The following SEMA3A variants were observed in gnomAD, a reference collection of about 807,000 sequenced individuals.
The protein encoded by SEMA3A is semaphorin 3A, also known as semaphorin-3A.
In SEMA3A, 29 loss-of-function variants were observed where a neutral mutation model predicts 97.9. The observed-to-expected ratio is 0.30, with a 90% CI of 0.22 to 0.40. SEMA3A has a LOEUF of 0.40. Among genes scored for constraint, SEMA3A ranks in the 10% least tolerant of loss-of-function variants. The probability of loss-of-function intolerance (pLI) is 1.00; values close to 1 mark genes in which losing one functional copy is unlikely to be tolerated. For synonymous variants in SEMA3A, 321 were observed against 323.7 expected, an observed-to-expected ratio of 0.99 and a Z score of 0.09; for missense variants, 763 against 951.3, an observed-to-expected ratio of 0.80 and a Z score of 2.60.
At chr7:84,477,094 T>A (rs574456773) in intron 1 of SEMA3A, among the ~76,000 whole-genome samples, 4 of 142,992 alleles carry the variant, frequency 2.8e-5, no homozygotes, top group Non-Finnish European at 4.6e-5. Flanking sequence ...ATATATATAT[T>A]TTTCAAAAAA....
chr7:84,361,937 T>G (rs1243442794), intron 2 of SEMA3A, among the ~76,000 whole-genome samples: 1 of 151,976 alleles, frequency 6.6e-6, no homozygotes, highest in Non-Finnish European at 1.5e-5. Flanking sequence ...CTATGATAGT[T>G]TTTTGAATTC....
chr7:84,121,524 C>G (rs1312763012), intron 3 of SEMA3A, among the ~76,000 whole-genome samples: 1 of 150,892 alleles, frequency 6.6e-6, no homozygotes. Flanking sequence ...ATCCATGTCC[C>G]TACAAAGGAC....
chr7:84,180,997 A>T (rs527999352), intron 1 of SEMA3A, among the ~76,000 whole-genome samples: 1 of 152,222 alleles, frequency 6.6e-6, no homozygotes, highest in South Asian at 2.1e-4. Context: ...AGTTTTTATT[A>T]AAAAATTGGG....
chr7:84,109,743 C>T (rs887782243), intron 4 of SEMA3A, among the ~76,000 whole-genome samples: 3 of 152,166 alleles, frequency 2.0e-5, no homozygotes, highest in Non-Finnish European at 2.9e-5. Flanking sequence ...TTTCTCACCA[C>T]GTGAACACTT....
At chr7:84,225,889 G>A (rs961630593) in intron 3 of SEMA3A, among the ~76,000 whole-genome samples, 1 of 151,992 alleles carries the variant, frequency 6.6e-6, no homozygotes, top group Non-Finnish European at 1.5e-5. Context: ...AAGATTAATG[G>A]GCTAATTTCA....
At chr7:83,995,397 T>A (rs938110270) in intron 12 of SEMA3A, among the ~76,000 whole-genome samples, 1 of 152,138 alleles carries the variant, frequency 6.6e-6, no homozygotes, top group Non-Finnish European at 1.5e-5. Flanking sequence ...CCCTAGTACA[T>A]AACAGGCTCC....
chr7:84,429,516 TTATA>T lies in SEMA3A; in HGVS notation c.-245-57620_-245-57617del, dbSNP rs10523978. Among the ~76,000 whole-genome samples, 1,080 of 72,376 alleles carry T rather than the reference TTATA, an allele frequency of 0.015. 98 individuals are homozygous for T. The East Asian group carries it at 0.19, about 13-fold the overall frequency. The allele number at this position is 72,376 out of a possible 152,430, so 47.5% of individuals were successfully genotyped here. A position where few individuals can be genotyped will look rare whatever the true frequency, so the allele number is the denominator to read the frequency against. On this transcript the variant is annotated intron_variant, in intron 1 of 3. Transcript: ENST00000424555. ...TTGCATTAGTAAAATATAGAGTTTGTTATATATATATATATATATATATATATAT... is the reference window on the plus strand; with the variant it reads ...TTGCATTAGTAAAATATAGAGTTTGTTATATATATATATATATATATATAT...
intron 3 of SEMA3A, among the ~76,000 whole-genome samples, chr7:84,220,921 C>A (rs1010857003): frequency 6.6e-6 from 1 of 152,108 alleles, no homozygotes; most frequent in Admixed American, 6.6e-5. Flanking sequence ...TAGCTTCTAA[C>A]AAGAGAGTTG....
intron 3 of SEMA3A, among the ~76,000 whole-genome samples, chr7:84,234,628 G>A (rs1040101620): frequency 6.6e-6 from 1 of 151,932 alleles, no homozygotes; most frequent in African/African-American, 2.4e-5. Flanking sequence ...CAACTCCAAA[G>A]ACCTCGATTT....
At chr7:83,968,784 T>G (rs1248530302) in intron 15 of SEMA3A, among the ~76,000 whole-genome samples, 1 of 150,992 alleles carries the variant, frequency 6.6e-6, no homozygotes, top group African/African-American at 2.4e-5. Flanking sequence ...TTTTTTTCTT[T>G]GTTTCTTTTC....
In SEMA3A at chr7:84,396,461, G is replaced by A. The variant is rs371789379; in HGVS notation, c.-245-24561C>T. On this transcript the variant is annotated intron_variant, in intron 1 of 3. Transcript: ENST00000424555. The stretch of plus-strand genomic sequence containing the variant: ...CAAGAAAAGATAGATCTTTTGTAAT[G>A]AAATGACAATAGGCTGGTATCTCAG... 6.6e-5 allele frequency among the ~76,000 whole-genome samples: 10 copies of A among 152,038 alleles called. No homozygotes were observed. The East Asian group carries it at 1.9e-3, about 29-fold the overall frequency.
chr7:84,441,115 A>G (rs1191864581), intron 1 of SEMA3A, among the ~76,000 whole-genome samples: 2 of 152,004 alleles, frequency 1.3e-5, no homozygotes, highest in African/African-American at 4.8e-5. Flanking sequence ...CCGAGATTGC[A>G]CTATTGCACT....
rs564238053 is a variant in SEMA3A, at chr7:83,969,126, ATTG to A, written c.1718-5782_1718-5780del. Among the ~76,000 whole-genome samples, 34 of 152,174 alleles carry A rather than the reference ATTG, an allele frequency of 2.2e-4. 1 individual carries two copies. In the East Asian group the frequency reaches 6.6e-3, roughly 29 times the overall value. ...GCACCAGTCTTTTATAACCCTTTCT[ATTG>A]TTGTTCTTAAAATATACTTGTACAA... On this transcript the variant is annotated intron_variant, in intron 15 of 16. Transcript: ENST00000265362.
At chr7:84,205,662 G>A (rs1798474996) in intron 3 of SEMA3A, among the ~76,000 whole-genome samples, 1 of 152,080 alleles carries the variant, frequency 6.6e-6, no homozygotes, top group South Asian at 2.1e-4. Context: ...CAATTCCTAT[G>A]CATAAGTGTC....
intron 1 of SEMA3A, among the ~76,000 whole-genome samples, chr7:84,162,961 G>T (rs148856566): frequency 2.8e-4 from 43 of 152,260 alleles, no homozygotes; most frequent in African/African-American, 9.9e-4. Context: ...TGGAGGTTAG[G>T]ATCTTGCATT....
rs114355092 is a variant in SEMA3A at position 84,224,016 on chromosome 7, T to C, written c.-82-29348A>G. 7.4e-3 allele frequency among the ~76,000 whole-genome samples: 1,118 copies of C among 152,004 alleles called. 13 individuals are homozygous for C. Among genetic ancestry groups the C allele is most frequent in the African/African-American group, 0.026 (1,074 of 41,534 alleles). On this transcript the variant is annotated intron_variant, in intron 3 of 3. Transcript: ENST00000424555. Reference sequence around the variant, plus strand: ...AAAAAGCTTCTATAGAAATGTATATTTAAAAAGGGGTTAATAGGATAATTT... The same window carrying C: ...AAAAAGCTTCTATAGAAATGTATATCTAAAAAGGGGTTAATAGGATAATTT...
Position 83,956,530 on chromosome 7 carries a change from G to A in SEMA3A, c.*4841C>T, listed in dbSNP as rs950068826. ...ACTTTAGCTGAGTAAAGATAAATGA[G>A]GTGAACATTAAGAAGGAAGGTAAAG... On this transcript the variant is annotated 3_prime_UTR_variant, in exon 17 of 17. Coordinates refer to ENST00000265362, the MANE Select transcript of SEMA3A (RefSeq NM_006080.3). 6.6e-6 allele frequency: 1 copy of A among 152,120 alleles called. No individual in the cohort carries two copies. Among genetic ancestry groups the A allele is most frequent in the African/African-American group, 2.4e-5 (1 of 41,418 alleles). The allele number at this position is 152,120 out of a possible 1,614,324, so 9.4% of individuals were successfully genotyped here.
At chr7:84,163,265 T>C (rs1037212990) in intron 1 of SEMA3A, among the ~76,000 whole-genome samples, 1 of 152,192 alleles carries the variant, frequency 6.6e-6, no homozygotes, top group Non-Finnish European at 1.5e-5. Context: ...GGTATAAATG[T>C]ATCATTTTAA....
chr7:84,146,412 C>T (rs1471015888), intron 1 of SEMA3A, among the ~76,000 whole-genome samples: 1 of 152,040 alleles, frequency 6.6e-6, no homozygotes, highest in African/African-American at 2.4e-5. Context: ...ATTCGATGCT[C>T]TTTCTAAATA....
Sources: allele counts gnomAD v4.1 joint callset (sites outside exome capture counted in the v4.1 genomes callset), GRCh38; gene constraint gnomAD v4.1.1; transcripts MANE v1.5; gene names NCBI Gene and HGNC (gene_info 2026-07-23, HGNC 2026-07-21).